Variants in C6 observed in about 807,000 individuals in gnomAD.
C6 encodes complement component C6.
C6 carries 101 observed loss-of-function variants against 112.9 expected under a neutral mutation model. That is an observed-to-expected ratio of 0.89 (90% CI 0.76 to 1.06). The LOEUF (loss-of-function observed/expected upper bound fraction) is 1.06, where lower values mean the gene tolerates loss of function less well. Ranked by LOEUF, C6 falls within the 50% of genes least tolerant of loss-of-function variation. The probability of loss-of-function intolerance (pLI) is 0.00; values close to 1 mark genes in which losing one functional copy is unlikely to be tolerated. For missense variants in C6, 1,202 were observed against 1,104.6 expected, an observed-to-expected ratio of 1.09 and a Z score of -1.25; for synonymous variants, 431 against 384.1, an observed-to-expected ratio of 1.12 and a Z score of -1.43.
chr5:41,159,439 T>G, intron 11 of C6, 186 bp from the exon 12 acceptor site: 1 of 985,080 alleles, frequency 1.0e-6, no homozygotes, highest in Non-Finnish European at 1.2e-6. Flanking sequence ...GATTTCCTTT[T>G]AGACTTTGTT....
chr5:41,150,263 A>C (rs1163805055), intron 15 of C6, among the ~76,000 whole-genome samples: 9 of 152,224 alleles, frequency 5.9e-5, no homozygotes, highest in Non-Finnish European at 1.3e-4. Context: ...ATAACTAAAG[A>C]AAATGGAACT....
intron 6 of C6, among the ~76,000 whole-genome samples, chr5:41,184,305 G>A (rs1326749721): frequency 6.6e-6 from 1 of 152,060 alleles, no homozygotes; most frequent in Non-Finnish European, 1.5e-5. Flanking sequence ...TTAACCCACT[G>A]TGTGGAGTTT....
At chr5:41,214,846 TTA>T (rs770138425), upstream of C6, among the ~76,000 whole-genome samples, 5 of 152,118 alleles carry the variant, frequency 3.3e-5, no homozygotes, top group Non-Finnish European at 5.9e-5. Flanking sequence ...AAAGAGGACT[TTA>T]TTTGTAATGT....
At chr5:41,172,460 C>T (rs1748510046) in intron 8 of C6, 113 bp from the exon 9 acceptor site, 1 of 998,256 alleles carries the variant, frequency 1.0e-6, no homozygotes, top group Non-Finnish European at 1.6e-6. Flanking sequence ...TAGCCCCTCT[C>T]TTCCCCAGTC....
chr5:41,155,548 CAG>C (rs1746815869), intron 13 of C6, among the ~76,000 whole-genome samples: 2 of 151,986 alleles, frequency 1.3e-5, no homozygotes, highest in South Asian at 4.1e-4. Flanking sequence ...AGTAGCCAGA[CAG>C]TATTTTCTGT....
chr5:41,166,169 T>G (rs1747957579), intron 9 of C6, among the ~76,000 whole-genome samples: 2 of 152,148 alleles, frequency 1.3e-5, no homozygotes, highest in African/African-American at 4.8e-5. Flanking sequence ...CCTTTTCACA[T>G]GCAGCACCTA....
At chr5:41,217,039 T>C (rs11949807), upstream of C6, among the ~76,000 whole-genome samples, 1 of 151,852 alleles carries the variant, frequency 6.6e-6, no homozygotes, top group Admixed American at 6.6e-5. Context: ...ATCCTCAAAA[T>C]GGCCTATGGT....
At chr5:41,166,637 T>C (rs1280493373) in intron 9 of C6, among the ~76,000 whole-genome samples, 4 of 152,126 alleles carry the variant, frequency 2.6e-5, no homozygotes, top group African/African-American at 9.7e-5. Flanking sequence ...TGAATTTGCA[T>C]ACTGTGGAGG....
intron 1 of C6, among the ~76,000 whole-genome samples, chr5:41,258,122 A>G (rs946389912): frequency 2.0e-5 from 3 of 152,196 alleles, no homozygotes; most frequent in African/African-American, 7.2e-5. Context: ...TTTTCTTATT[A>G]TTCTATAATA....
At chr5:41,167,629 A>AT (rs1304469671) in intron 9 of C6, among the ~76,000 whole-genome samples, 7 of 152,136 alleles carry the variant, frequency 4.6e-5, no homozygotes, top group Admixed American at 2.0e-4. Context: ...TAGCTTTCAA[A>AT]TTTTTTTGCA....
At chr5:41,208,948 T>C (rs1373521712) in intron 1 of C6, among the ~76,000 whole-genome samples, 1 of 152,136 alleles carries the variant, frequency 6.6e-6, no homozygotes, top group Non-Finnish European at 1.5e-5. Flanking sequence ...ATATCCCTGA[T>C]GAACATCGAT....
At position 41,200,891 on chromosome 5, in the gene C6, G is replaced by GTTTTTTTTTTTTTTTTTT. The variant is rs143443464; in HGVS notation, c.300+649_300+666dup. Among the ~76,000 whole-genome samples, 17 of 70,650 alleles carry GTTTTTTTTTTTTTTTTTT rather than the reference G, an allele frequency of 2.4e-4. 1 individual carries two copies. Among genetic ancestry groups the GTTTTTTTTTTTTTTTTTT allele is most frequent in the South Asian group, 6.2e-4 (1 of 1,602 alleles). 46.3% of individuals were successfully genotyped at this position (70,650 alleles called of 152,430 possible). ...TGTTTTTGTTGTTGTTGTTGTTGTT[G>GTTTTTTTTTTTTTTTTTT]TTTTTTTTTTTTTTTTTTTTTTTTT... On this transcript the variant is annotated intron_variant, in intron 3 of 17. Coordinates refer to ENST00000337836, the MANE Select transcript of C6 (RefSeq NM_000065.5).
At chr5:41,200,347 C>A (rs1267979301) in intron 3 of C6, among the ~76,000 whole-genome samples, 2 of 151,968 alleles carry the variant, frequency 1.3e-5, no homozygotes, top group African/African-American at 4.8e-5. Flanking sequence ...AAAACCAATG[C>A]GAATGTAGTC....
chr5:41,226,562 G>C (rs1414476423), intron 1 of C6, among the ~76,000 whole-genome samples: 3 of 152,116 alleles, frequency 2.0e-5, no homozygotes, highest in African/African-American at 7.2e-5. Flanking sequence ...TGTTCCTCCT[G>C]TCTAACTGAA....
upstream of C6, among the ~76,000 whole-genome samples, chr5:41,214,577 C>T (rs1004865660): frequency 1.3e-5 from 2 of 152,242 alleles, no homozygotes; most frequent in East Asian, 3.9e-4. Flanking sequence ...TGGTGTGCTG[C>T]AGACCAGTGT....
chr5:41,190,505 C>G (rs1459568909), intron 5 of C6, among the ~76,000 whole-genome samples: 2 of 152,234 alleles, frequency 1.3e-5, no homozygotes, highest in East Asian at 3.9e-4. Flanking sequence ...TGGATATTAA[C>G]TCCCTGTCAG....
At chr5:41,156,168 C>T (rs914951056) in intron 13 of C6, among the ~76,000 whole-genome samples, 6 of 152,148 alleles carry the variant, frequency 3.9e-5, no homozygotes, top group Non-Finnish European at 8.8e-5. Flanking sequence ...AAACAAAACC[C>T]TGCCATTCTT....
chr5:41,253,146 T>C (rs1580260428), intron 1 of C6, among the ~76,000 whole-genome samples: 1 of 152,364 alleles, frequency 6.6e-6, no homozygotes, highest in African/African-American at 2.4e-5. Context: ...TTTAAGCATT[T>C]GATTATGAAG....
At chr5:41,178,471 T>C (rs1319281852) in intron 7 of C6, among the ~76,000 whole-genome samples, 21 of 64,800 alleles carry the variant, frequency 3.2e-4, no homozygotes, top group Middle Eastern at 6.2e-3. Context: ...TTTTTCTTTT[T>C]TTTTTTTTTT....
Sources: allele counts gnomAD v4.1 joint callset (sites outside exome capture counted in the v4.1 genomes callset), GRCh38; gene constraint gnomAD v4.1.1; transcripts MANE v1.5; gene names NCBI Gene and HGNC (gene_info 2026-07-23, HGNC 2026-07-21).